Variants in IL32 observed in about 807,000 individuals in gnomAD.
IL32 encodes interleukin 32.
Under a neutral mutation model 16.6 loss-of-function variants are expected in IL32, and 30 were observed. The observed-to-expected ratio is 1.81, with a 90% confidence interval of 1.35 to 2.45. The LOEUF is 2.45. Ranked by LOEUF, IL32 falls within the 30% of genes most tolerant of loss-of-function variation. The pLI is 0.00. For synonymous variants in IL32, 70 were observed against 86.1 expected, an observed-to-expected ratio of 0.81 and a Z score of 1.03; for missense variants, 234 against 229.8, an observed-to-expected ratio of 1.02 and a Z score of -0.12.
chr16:3,069,381 C>T lies in IL32; in HGVS notation c.*26C>T, dbSNP rs1956821021. On this transcript the variant is annotated 3_prime_UTR_variant, in exon 7 of 7. Transcript: ENST00000525643. Reference sequence around the variant, plus strand: ...AGATACTGACACCACCTTTGCCCTCCCCGTCACCGCGCACCCACCCTGACC... The same window carrying T: ...AGATACTGACACCACCTTTGCCCTCTCCGTCACCGCGCACCCACCCTGACC... 1 of 1,561,364 alleles carries T rather than the reference C, an allele frequency of 6.4e-7. No homozygotes were observed. Among genetic ancestry groups the T allele is most frequent in the African/African-American group, 1.4e-5 (1 of 73,736 alleles).
chr16:3,068,513 A>G (rs565421296), intron 6 of IL32: 223 of 476,090 alleles, frequency 4.7e-4, no homozygotes, highest in African/African-American at 4.1e-3. Context: ...AGGTTTCACC[A>G]TGTTTGCCAG....
intron 5 of IL32, 80 bp downstream of exon 5, chr16:3,068,090 C>A: frequency 3.7e-6 from 6 of 1,605,208 alleles, no homozygotes; most frequent in Non-Finnish European, 5.1e-6. Flanking sequence ...GGCCCCGGGT[C>A]CCCTTGGGAA....
At chr16:3,065,966 G>GTGAGAGT in intron 2 of IL32, 140 bp downstream of exon 2, 1 of 1,034,266 alleles carries the variant, frequency 9.7e-7, no homozygotes, top group Non-Finnish European at 1.5e-6. Context: ...TAGTGATGGG[G>GTGAGAGT]TGAGAGTGTC....
chr16:3,068,562 T>G, intron 6 of IL32: 1 of 418,674 alleles, frequency 2.4e-6, no homozygotes, highest in Non-Finnish European at 4.4e-6. Flanking sequence ...CCGTCTGCCT[T>G]GGCCTCCCAA....
chr16:3,068,778 G>T (rs866026835), intron 6 of IL32: 11 of 743,586 alleles, frequency 1.5e-5, no homozygotes, highest in Admixed American at 3.0e-5. Flanking sequence ...TGACCAAGCA[G>T]ACACACCCAT....
intron 6 of IL32, 127 bp downstream of exon 6, chr16:3,068,366 C>CA: frequency 1.1e-6 from 1 of 872,050 alleles, no homozygotes. Context: ...AGTGCAGTGG[C>CA]ATGATCTTGG....
Position 3,069,269 on chromosome 16 carries a change from T to C in IL32, c.481T>C (p.Ser161Pro). Reference sequence around the variant, plus strand: ...CTGCTCTCTGTCAGAGCTCTTCATGTCCTCTTTCCAGTCCTACGGAGCCCC... The same window carrying C: ...CTGCTCTCTGTCAGAGCTCTTCATGCCCTCTTTCCAGTCCTACGGAGCCCC... The part of the protein sequence containing the change: ...FCCSLSELFM[S>P]SFQSYGAPRG... Residue 161 changes from serine to proline, a missense_variant, in exon 7 of 7, where the codon TCC (serine) becomes CCC (proline). By Grantham distance (74) the Ser-to-Pro change is moderately conservative. Around this residue, in one of 3 missense-constraint regions of IL32, gnomAD observed 53 missense variants for 46.1 expected, o/e 1.15. Transcript: ENST00000525643. 1 of 1,614,202 alleles carries C rather than the reference T, an allele frequency of 6.2e-7. No homozygotes were observed. Among genetic ancestry groups the C allele is most frequent in the Non-Finnish European group, 8.5e-7 (1 of 1,180,046 alleles).
intron 6 of IL32, chr16:3,068,729 T>C (rs1956718382): frequency 1.9e-6 from 1 of 533,210 alleles, no homozygotes; most frequent in Non-Finnish European, 3.3e-6. Flanking sequence ...CCTCACACAG[T>C]GGCACAGCCC....
At chr16:3,066,497 T>C (rs1265643709) in intron 2 of IL32, among the ~76,000 whole-genome samples, 1 of 151,742 alleles carries the variant, frequency 6.6e-6, no homozygotes, top group Non-Finnish European at 1.5e-5. Context: ...ACTCTGTGGG[T>C]GACTGTCACC....
At chr16:3,067,286 T>TGTGTGTG (rs1956473456) in intron 2 of IL32, 91 bp from the exon 3 acceptor site, 1 of 548,786 alleles carries the variant, frequency 1.8e-6, no homozygotes, top group African/African-American at 1.9e-5. Flanking sequence ...TGTGTGTGTG[T>TGTGTGTG]GTGTGTGTGT....
chr16:3,068,059 C>T, intron 5 of IL32, 49 bp downstream of exon 5: 2 of 1,610,624 alleles, frequency 1.2e-6, no homozygotes, highest in South Asian at 2.2e-5. Flanking sequence ...GGGTCTTAGG[C>T]TCCACAGGAC....
chr16:3,065,769 G>T lies in IL32; in HGVS notation c.-28-15G>T, dbSNP rs773942215. 4 of 1,613,832 alleles carry T rather than the reference G, an allele frequency of 2.5e-6. No individual in the cohort carries two copies. The Admixed American group carries it at 6.7e-5, about 27-fold the overall frequency. ...GAGACACTTTCTTTTCCTCACACCTGTTCCTCGCCAGCAGGCCTTGGCTCC... is the reference window on the plus strand; with the variant it reads ...GAGACACTTTCTTTTCCTCACACCTTTTCCTCGCCAGCAGGCCTTGGCTCC... On this transcript the variant is annotated splice_polypyrimidine_tract_variant and intron_variant, in intron 1 of 6. Transcript: ENST00000525643.
chr16:3,067,942 G>A (rs778774675), intron 4 of IL32, 42 bp from the exon 5 acceptor site: 1 of 1,612,350 alleles, frequency 6.2e-7, no homozygotes, highest in African/African-American at 1.3e-5. Context: ...GTGGGGTGCA[G>A]AGGAGGCTTG....
At chr16:3,067,860 C>T (rs893817513) in intron 4 of IL32, 124 bp from the exon 5 acceptor site, 2 of 1,188,772 alleles carry the variant, frequency 1.7e-6, no homozygotes, top group Admixed American at 1.8e-5. Context: ...CAGACGTGGC[C>T]CGGGCCCCTG....
Position 3,065,652 on chromosome 16 carries a change from G to T in IL32, c.-64G>T, listed in dbSNP as rs764497389. 1.3e-6 allele frequency: 1 copy of T among 768,220 alleles called. No individual in the cohort carries two copies. The highest frequency in any genetic ancestry group is 2.4e-6 in the Non-Finnish European group (1 of 425,520). The allele number at this position is 768,220 out of a possible 1,614,324, so 47.6% of individuals were successfully genotyped here. A position where few individuals can be genotyped will look rare whatever the true frequency, so the allele number is the denominator to read the frequency against. ...ATTTGTGCCAGGAAGACTGCGTGCA[G>T]AAGGTGACTGTCTCAGTGGAGCTGG... On this transcript the variant is annotated 5_prime_UTR_variant, in exon 1 of 7. Transcript: ENST00000525643.
At chr16:3,067,269 CTCTG>C (rs1047618314) in intron 2 of IL32, 104 bp from the exon 3 acceptor site, 25 of 391,510 alleles carry the variant, frequency 6.4e-5, no homozygotes, top group Non-Finnish European at 1.1e-4. Context: ...TGCCATGTGT[CTCTG>C]TGTGTGTGTG....
Position 3,069,447 on chromosome 16 carries a change from T to C in IL32, c.*92T>C. On this transcript the variant is annotated 3_prime_UTR_variant, in exon 7 of 7. Coordinates refer to ENST00000525643, the MANE Select transcript of IL32 (RefSeq NM_001376923.1). ...CTGTGCCCCGCCCTCTCCCGCACACTCAGTCCCCCTGCCTGGCGTTCCTGC... is the reference window on the plus strand; with the variant it reads ...CTGTGCCCCGCCCTCTCCCGCACACCCAGTCCCCCTGCCTGGCGTTCCTGC... 7.1e-7 allele frequency: 1 copy of C among 1,399,884 alleles called. No individual in the cohort carries two copies. The highest frequency in any genetic ancestry group is 9.6e-7 in the Non-Finnish European group (1 of 1,039,804). 86.7% of individuals were successfully genotyped at this position (1,399,884 alleles called of 1,614,324 possible). A position where few individuals can be genotyped will look rare whatever the true frequency, so the allele number is the denominator to read the frequency against.
chr16:3,068,701 C>A (rs1383221390), intron 6 of IL32: 3 of 481,492 alleles, frequency 6.2e-6, no homozygotes, highest in Non-Finnish European at 1.1e-5. Context: ...CTAGCTGGGA[C>A]CTGCCCATGG....
Position 3,067,615 on chromosome 16 carries a change from T to G in IL32, c.114+2T>G. 2 of 1,605,420 alleles carry G rather than the reference T, an allele frequency of 1.2e-6. No homozygotes were observed. The highest frequency in any genetic ancestry group is 2.2e-5 in the South Asian group (2 of 90,922). ...AATGCAGAATCAGGACGTGGACAGG[T>G]GGGTGGATTTCCCCTCAGGCACCAG... On this transcript the variant is annotated splice_donor_variant, in intron 4 of 6. Coordinates refer to ENST00000525643, the MANE Select transcript of IL32 (RefSeq NM_001376923.1). LOFTEE classifies it high-confidence loss of function.
Sources: allele counts gnomAD v4.1 joint callset (sites outside exome capture counted in the v4.1 genomes callset), GRCh38; gene constraint gnomAD v4.1.1; regional missense constraint gnomAD v4.1.1; transcripts MANE v1.5; gene names NCBI Gene and HGNC (gene_info 2026-07-23, HGNC 2026-07-21).